The following TDRD7 variants were observed in gnomAD, a reference collection of about 807,000 sequenced individuals.
TDRD7 encodes the protein tudor domain-containing protein 7.
TDRD7 carries 47 observed loss-of-function variants against 109.8 expected under a neutral mutation model. That is an observed-to-expected ratio of 0.43 (90% CI 0.34 to 0.55). TDRD7 has a LOEUF of 0.55. Among genes scored for constraint, TDRD7 ranks in the 20% least tolerant of loss-of-function variants. The pLI, the probability that TDRD7 is intolerant of heterozygous loss-of-function variation, is 0.03. For synonymous variants in TDRD7, 424 were observed against 457.3 expected, an observed-to-expected ratio of 0.93 and a Z score of 0.93; for missense variants, 1,164 against 1,319.2, an observed-to-expected ratio of 0.88 and a Z score of 1.82.
chr9:97,473,454 C>G, intron 10 of TDRD7, 38 bp from the exon 11 acceptor site: 1 of 1,612,866 alleles, frequency 6.2e-7, no homozygotes, highest in East Asian at 2.2e-5. Context: ...CTGCATTCTG[C>G]TCTCAAGCAT....
chr9:97,444,978 A>T (rs1828374600), intron 6 of TDRD7, among the ~76,000 whole-genome samples: 1 of 152,182 alleles, frequency 6.6e-6, no homozygotes, highest in African/African-American at 2.4e-5. Context: ...GGATGCTTTG[A>T]ATCTGTTGTC....
chr9:97,425,710 C>T (rs954851942), intron 1 of TDRD7, among the ~76,000 whole-genome samples: 2 of 152,002 alleles, frequency 1.3e-5, no homozygotes, highest in African/African-American at 4.8e-5. Flanking sequence ...TGTTGTTGGT[C>T]CTGGTGATAA....
At chr9:97,413,578 A>G (rs1827760851) in intron 1 of TDRD7, among the ~76,000 whole-genome samples, 1 of 152,200 alleles carries the variant, frequency 6.6e-6, no homozygotes. Flanking sequence ...TTTACTATAT[A>G]ATATAAATGG....
At position 97,429,280 on chromosome 9, in the gene TDRD7, G is replaced by A. The variant is rs192853000; in HGVS notation, c.207+608G>A. Reference sequence around the variant, plus strand: ...TAGTATAGGCCATTTAGTGGTAGCCGGTTGATCTGTCATTGCTCTTCCACT... The same window carrying A: ...TAGTATAGGCCATTTAGTGGTAGCCAGTTGATCTGTCATTGCTCTTCCACT... On this transcript the variant is annotated intron_variant, in intron 2 of 16. Transcript: ENST00000355295. Among the ~76,000 whole-genome samples the A allele has an allele frequency of 5.3e-5, 8 of 152,212 alleles. No homozygotes were observed. The East Asian group carries it at 5.8e-4, about 11-fold the overall frequency.
At chr9:97,476,024 T>G (rs915973576) in intron 12 of TDRD7, among the ~76,000 whole-genome samples, 3 of 152,222 alleles carry the variant, frequency 2.0e-5, no homozygotes, top group African/African-American at 7.2e-5. Context: ...ATATTTAGAT[T>G]GTTCCTAATT....
intron 3 of TDRD7, among the ~76,000 whole-genome samples, chr9:97,431,759 G>C (rs768262148): frequency 2.6e-5 from 4 of 152,186 alleles, no homozygotes; most frequent in Non-Finnish European, 2.9e-5. Flanking sequence ...GTATTTGCAA[G>C]AACATGAGGT....
chr9:97,466,677 A>G (rs1315998085), intron 8 of TDRD7, among the ~76,000 whole-genome samples: 1 of 152,250 alleles, frequency 6.6e-6, no homozygotes, highest in Non-Finnish European at 1.5e-5. Flanking sequence ...TGTGCTGAGC[A>G]AAAGAAGCCA....
At chr9:97,458,544 A>G (rs915350847) in intron 6 of TDRD7, among the ~76,000 whole-genome samples, 25 of 152,282 alleles carry the variant, frequency 1.6e-4, no homozygotes, top group African/African-American at 5.8e-4. Flanking sequence ...AACTGCGCCA[A>G]TCATATAACA....
intron 7 of TDRD7, among the ~76,000 whole-genome samples, chr9:97,462,346 AT>A (rs1384108570): frequency 1.3e-5 from 2 of 152,206 alleles, no homozygotes; most frequent in African/African-American, 4.8e-5. Flanking sequence ...CCCAGTAGGA[AT>A]TTAAATCCTG....
At chr9:97,481,333 A>G (rs1056950000) in intron 14 of TDRD7, among the ~76,000 whole-genome samples, 3 of 152,220 alleles carry the variant, frequency 2.0e-5, no homozygotes, top group Non-Finnish European at 2.9e-5. Context: ...AAAGTAGAAT[A>G]GATTATAAAC....
chr9:97,417,273 C>A (rs1452421035), intron 1 of TDRD7, among the ~76,000 whole-genome samples: 1 of 152,026 alleles, frequency 6.6e-6, no homozygotes, highest in South Asian at 2.1e-4. Context: ...TATGCAGGGC[C>A]CTTTTTGGCT....
intron 6 of TDRD7, among the ~76,000 whole-genome samples, chr9:97,449,181 C>T (rs938467836): frequency 4.6e-5 from 7 of 152,142 alleles, no homozygotes; most frequent in African/African-American, 1.7e-4. Context: ...TGTTTTTCCT[C>T]TGCTGTCACA....
At chr9:97,493,413 A>G (rs1036829280) in intron 16 of TDRD7, among the ~76,000 whole-genome samples, 7 of 152,144 alleles carry the variant, frequency 4.6e-5, no homozygotes, top group Admixed American at 4.6e-4. Context: ...GTGATTTTCA[A>G]AAGGGGAGAG....
chr9:97,444,343 A>G (rs1828362514), intron 6 of TDRD7, among the ~76,000 whole-genome samples: 2 of 152,240 alleles, frequency 1.3e-5, no homozygotes, highest in South Asian at 2.1e-4. Flanking sequence ...AGAAAACACC[A>G]ATCATATTGA....
chr9:97,470,729 T>A, intron 9 of TDRD7, 60 bp downstream of exon 9: 1 of 1,298,390 alleles, frequency 7.7e-7, no homozygotes, highest in Non-Finnish European at 1.1e-6. Flanking sequence ...ACTGTACATT[T>A]GGATAGTTGA....
intron 6 of TDRD7, among the ~76,000 whole-genome samples, chr9:97,442,103 TTA>T (rs1488752975): frequency 1.3e-5 from 2 of 152,228 alleles, no homozygotes; most frequent in Non-Finnish European, 2.9e-5. Context: ...ATATTTTGTT[TTA>T]TGTCATTTTT....
intron 6 of TDRD7, among the ~76,000 whole-genome samples, chr9:97,452,229 A>G (rs531855677): frequency 6.6e-5 from 10 of 152,312 alleles, no homozygotes; most frequent in Non-Finnish European, 1.0e-4. Flanking sequence ...AAAGAGAGAG[A>G]GAAAGAAAAG....
intron 8 of TDRD7, among the ~76,000 whole-genome samples, chr9:97,465,312 G>A (rs1828804576): frequency 6.6e-6 from 1 of 152,160 alleles, no homozygotes; most frequent in African/African-American, 2.4e-5. Context: ...TATTCCTAGG[G>A]GATGTATAAT....
rs755962051 is a variant in TDRD7 at position 97,483,187 on chromosome 9, T to C, written c.2751T>C (p.Tyr917=). ...LSKPGEHMDV[Y]VPVACHPGYF... is the part of the protein sequence containing the mutation. ...AGCCAGGGGAACACATGGATGTGTATGTGCCTGTGGCCTGTCACCCAGGCT... is the reference window on the plus strand; with the variant it reads ...AGCCAGGGGAACACATGGATGTGTACGTGCCTGTGGCCTGTCACCCAGGCT... Residue 917 remains tyrosine, a synonymous_variant, in exon 15 of 17, where the codon TAT becomes TAC. Transcript: ENST00000355295. 1.9e-6 allele frequency: 3 copies of C among 1,614,126 alleles called. No homozygotes were observed. The highest frequency in any genetic ancestry group is 1.6e-4 in the Middle Eastern group (1 of 6,062).
Sources: gnomAD v4.1 joint callset for allele counts (sites outside exome capture counted in the v4.1 genomes callset) on GRCh38, gnomAD v4.1.1 for gene constraint, MANE v1.5 for transcripts, NCBI Gene and HGNC (gene_info 2026-07-23, HGNC 2026-07-21) for gene names.